The following CAST variants were observed in gnomAD, a reference collection of about 807,000 sequenced individuals.
CAST encodes the protein calpastatin.
Under a neutral mutation model 119.6 loss-of-function variants are expected in CAST, and 76 were observed. The ratio of observed to expected loss-of-function variants is 0.64; its 90% CI spans 0.53 to 0.77. CAST has a LOEUF of 0.77. Ranked by LOEUF, CAST falls within the 30% of genes least tolerant of loss-of-function variation. The pLI is 0.00. For synonymous variants in CAST, 319 were observed against 331.6 expected, an observed-to-expected ratio of 0.96 and a Z score of 0.41; for missense variants, 953 against 946.5, an observed-to-expected ratio of 1.01 and a Z score of -0.09.
the CAST span, among the ~76,000 whole-genome samples, chr5:96,220,098 G>T: frequency 6.6e-6 from 1 of 152,186 alleles, no homozygotes; most frequent in Non-Finnish European, 1.5e-5. Flanking sequence ...CCTCTTTGTT[G>T]CTATGGTGTG....
the CAST span, among the ~76,000 whole-genome samples, chr5:96,304,381 T>G: frequency 2.4e-4 from 37 of 152,362 alleles, no homozygotes; most frequent in South Asian, 7.2e-3. Flanking sequence ...TACAAAAATT[T>G]TCTCCCATTC....
upstream of CAST, among the ~76,000 whole-genome samples, chr5:96,521,218 C>T (rs1745511621): frequency 6.6e-6 from 1 of 152,196 alleles, no homozygotes; most frequent in African/African-American, 2.4e-5. Flanking sequence ...GAACACCTGT[C>T]AAACTAAGCC....
At chr5:96,083,631 T>G in the CAST span, among the ~76,000 whole-genome samples, 1 of 152,208 alleles carries the variant, frequency 6.6e-6, no homozygotes. Context: ...TTTCTCAATG[T>G]GAATGGAAAC....
chr5:96,542,670 AAG>A (rs60774907), intron 1 of CAST, among the ~76,000 whole-genome samples: 93,332 of 151,836 alleles, frequency 0.61, 29,026 homozygotes, highest in East Asian at 0.86. Flanking sequence ...TTTAATTTTT[AAG>A]AGTTATTTAT....
the CAST span, among the ~76,000 whole-genome samples, chr5:96,430,369 T>A: frequency 2.0e-5 from 3 of 152,250 alleles, no homozygotes; most frequent in Non-Finnish European, 4.4e-5. Context: ...ACGTGTTCTT[T>A]AAATTGGTGA....
chr5:96,662,901 C>T (rs1748756558), intron 1 of CAST: 2 of 576,710 alleles, frequency 3.5e-6, no homozygotes, highest in African/African-American at 2.0e-5. Context: ...TGCCTGGAGA[C>T]GCAGAGCCTC....
chr5:96,610,194 G>T (rs1747333345), intron 1 of CAST, among the ~76,000 whole-genome samples: 1 of 152,174 alleles, frequency 6.6e-6, no homozygotes, highest in African/African-American at 2.4e-5. Flanking sequence ...ATGTGCCTTT[G>T]CTCTTTATTT....
the CAST span, among the ~76,000 whole-genome samples, chr5:96,260,020 A>G: frequency 6.6e-6 from 1 of 151,848 alleles, no homozygotes; most frequent in African/African-American, 2.4e-5. Flanking sequence ...CCCATTTTCC[A>G]TCCTTTTCTT....
At chr5:96,663,363 T>C (rs1474377944) in intron 1 of CAST, among the ~76,000 whole-genome samples, 7 of 152,132 alleles carry the variant, frequency 4.6e-5, no homozygotes, top group Non-Finnish European at 8.8e-5. Flanking sequence ...CCTCTTGTGG[T>C]ATGTATGAGC....
At chr5:96,392,133 A>G in the CAST span, 1 of 152,094 alleles carries the variant, frequency 6.6e-6, no homozygotes, top group Non-Finnish European at 1.5e-5. Flanking sequence ...GTTACTGCTG[A>G]AAAAAATTGT....
the CAST span, among the ~76,000 whole-genome samples, chr5:96,386,074 C>G: frequency 1.3e-5 from 2 of 152,114 alleles, no homozygotes; most frequent in Admixed American, 1.3e-4. Context: ...TTCGTTTTTA[C>G]GATTCTTGTG....
At chr5:96,597,698 CTT>C (rs1243643067) in intron 1 of CAST, among the ~76,000 whole-genome samples, 1 of 152,214 alleles carries the variant, frequency 6.6e-6, no homozygotes, top group Non-Finnish European at 1.5e-5. Context: ...AAGCAACTGC[CTT>C]CTTTTCACCT....
At chr5:96,268,798 A>G in the CAST span, among the ~76,000 whole-genome samples, 109 of 152,314 alleles carry the variant, frequency 7.2e-4, no homozygotes, top group African/African-American at 2.5e-3. Context: ...TATCAGATAA[A>G]GTAGACTGAT....
At chr5:96,696,601 C>T (rs917679157) in intron 3 of CAST, among the ~76,000 whole-genome samples, 1 of 149,920 alleles carries the variant, frequency 6.7e-6, no homozygotes. Context: ...CTTTGGGAGG[C>T]TGAGGCAGGA....
At chr5:96,094,824 C>A in the CAST span, among the ~76,000 whole-genome samples, 1 of 152,184 alleles carries the variant, frequency 6.6e-6, no homozygotes, top group East Asian at 1.9e-4. Context: ...ACGGTTTGGA[C>A]TTGTGTATTA....
chr5:96,764,202 A>G (rs997348580), intron 25 of CAST, among the ~76,000 whole-genome samples: 1 of 152,202 alleles, frequency 6.6e-6, no homozygotes, highest in Non-Finnish European at 1.5e-5. Flanking sequence ...AATACTAATA[A>G]TAATTTACCA....
the CAST span, among the ~76,000 whole-genome samples, chr5:96,292,033 CT>C: frequency 6.6e-6 from 1 of 151,908 alleles, no homozygotes; most frequent in African/African-American, 2.4e-5. Context: ...TGCTTTCTGC[CT>C]TTTTTCACCC....
intron 3 of CAST, among the ~76,000 whole-genome samples, chr5:96,717,397 A>T (rs1017351200): frequency 6.6e-6 from 1 of 152,192 alleles, no homozygotes; most frequent in African/African-American, 2.4e-5. Context: ...GGGAATGGCA[A>T]GTTGCAAGGC....
At chr5:96,666,831 TG>T (rs1404465549) in intron 1 of CAST, among the ~76,000 whole-genome samples, 2 of 152,076 alleles carry the variant, frequency 1.3e-5, no homozygotes, top group African/African-American at 4.8e-5. Context: ...GTGGGAACAG[TG>T]GGGGGTCATG....
Sources: gnomAD v4.1 joint callset for allele counts (sites outside exome capture counted in the v4.1 genomes callset) on GRCh38, gnomAD v4.1.1 for gene constraint, MANE v1.5 for transcripts, NCBI Gene and HGNC (gene_info 2026-07-23, HGNC 2026-07-21) for gene names.